Variants in PDS5B observed in about 807,000 individuals in gnomAD.
PDS5B encodes the protein sister chromatid cohesion protein PDS5 homolog B.
In PDS5B, 51 loss-of-function variants were observed where a neutral mutation model predicts 184.1. The ratio of observed to expected loss-of-function variants is 0.28; its 90% CI spans 0.22 to 0.35. The LOEUF (loss-of-function observed/expected upper bound fraction) is 0.35, where lower values mean the gene tolerates loss of function less well. Ranked by LOEUF, PDS5B falls within the 10% of genes least tolerant of loss-of-function variation. The pLI is 1.00. For synonymous variants in PDS5B, 566 were observed against 569.2 expected, an observed-to-expected ratio of 0.99 and a Z score of 0.08; for missense variants, 1,180 against 1,723.3, an observed-to-expected ratio of 0.68 and a Z score of 5.58.
At chr13:32,742,418 T>C (rs1953590454) in intron 22 of PDS5B, among the ~76,000 whole-genome samples, 173 bp from the exon 23 acceptor site, 1 of 152,208 alleles carries the variant, frequency 6.6e-6, no homozygotes, top group Non-Finnish European at 1.5e-5. Context: ...GCCATTTTCT[T>C]GGATGTTTGA....
chr13:32,617,632 C>T (rs773276117), intron 1 of PDS5B, among the ~76,000 whole-genome samples: 1 of 152,128 alleles, frequency 6.6e-6, no homozygotes, highest in Non-Finnish European at 1.5e-5. Flanking sequence ...ATTTCTGTTT[C>T]CCTTGCTGTT....
At chr13:32,627,304 A>C (rs889256280) in intron 1 of PDS5B, among the ~76,000 whole-genome samples, 3 of 152,194 alleles carry the variant, frequency 2.0e-5, no homozygotes, top group African/African-American at 2.4e-5. Flanking sequence ...AAGCAGATGG[A>C]TGCTATCTAC....
At chr13:32,766,631 T>C (rs2141028157) in intron 31 of PDS5B, among the ~76,000 whole-genome samples, 2 of 152,300 alleles carry the variant, frequency 1.3e-5, no homozygotes, top group Middle Eastern at 6.8e-3. Context: ...CTCATTGAAA[T>C]TTCACAGCAA....
intron 23 of PDS5B, among the ~76,000 whole-genome samples, chr13:32,744,957 G>T (rs564735909): frequency 6.6e-6 from 1 of 152,072 alleles, no homozygotes; most frequent in Non-Finnish European, 1.5e-5. Context: ...AGCTACAAAG[G>T]GGTTCTATTT....
At chr13:32,617,268 A>G (rs982875249) in intron 1 of PDS5B, among the ~76,000 whole-genome samples, 19 of 152,220 alleles carry the variant, frequency 1.2e-4, no homozygotes, top group African/African-American at 4.1e-4. Context: ...ACCAGTTAGC[A>G]CCTACTTACA....
rs188722607 is a variant in PDS5B at position 32,685,347 on chromosome 13, A to G, written c.1203+1324A>G. ...CAAAAGGCATGAAGAGGGAAAGGAT[A>G]TTTGCATTGTTCATAGGATAGTAGC... On this transcript the variant is annotated intron_variant, in intron 11 of 34. Coordinates refer to ENST00000315596, the MANE Select transcript of PDS5B (RefSeq NM_015032.4). Among the ~76,000 whole-genome samples the G allele has an allele frequency of 1.2e-4, 18 of 152,274 alleles. No homozygotes were observed. In the East Asian group the frequency reaches 3.3e-3, roughly 28 times the overall value.
chr13:32,743,944 C>T (rs940535619), intron 23 of PDS5B, among the ~76,000 whole-genome samples: 11 of 152,042 alleles, frequency 7.2e-5, no homozygotes, highest in African/African-American at 2.7e-4. Context: ...AAATTTTCCT[C>T]AGTGTTAATA....
intron 30 of PDS5B, among the ~76,000 whole-genome samples, chr13:32,761,786 T>C (rs941322593): frequency 9.2e-5 from 14 of 152,348 alleles, no homozygotes; most frequent in African/African-American, 3.4e-4. Context: ...TGTGACTTTT[T>C]GGTGTAATGA....
intron 1 of PDS5B, among the ~76,000 whole-genome samples, chr13:32,635,170 GTTTTTTTTTT>G (rs71071054): frequency 8.6e-5 from 7 of 81,108 alleles, no homozygotes; most frequent in East Asian, 3.7e-4. Flanking sequence ...AGCCAATTAC[GTTTTTTTTTT>G]TTTTTTTTTT....
intron 19 of PDS5B, among the ~76,000 whole-genome samples, chr13:32,716,574 G>A (rs1326479107): frequency 6.6e-6 from 1 of 150,844 alleles, no homozygotes; most frequent in Non-Finnish European, 1.5e-5. Context: ...GGAGGTGGGG[G>A]TCAGCCCCCG....
At chr13:32,687,726 A>G (rs929648698) in intron 12 of PDS5B, among the ~76,000 whole-genome samples, 8 of 152,154 alleles carry the variant, frequency 5.3e-5, no homozygotes, top group African/African-American at 1.9e-4. Context: ...TAATCTTAAT[A>G]TTTTTTCCAT....
At chr13:32,709,861 A>G in intron 18 of PDS5B, 85 bp from the exon 19 acceptor site, 1 of 767,642 alleles carries the variant, frequency 1.3e-6, no homozygotes, top group African/African-American at 1.8e-5. Context: ...ACTTTGATTT[A>G]TAGTATTTCT....
Position 32,658,437 on chromosome 13 carries a change from A to C in PDS5B, c.403A>C (p.Ile135Leu). The C allele has an allele frequency of 6.4e-7, 1 of 1,566,024 alleles. No homozygotes were observed. Among genetic ancestry groups the C allele is most frequent in the South Asian group, 1.2e-5 (1 of 86,468 alleles). ...FNRYFYLLEN[I>L]AWVKSYNICF... Reference sequence around the variant, plus strand: ...CTTTTTTACACCTTATTTTTAGAACATTGCTTGGGTCAAGTCATATAACAT... The same window carrying C: ...CTTTTTTACACCTTATTTTTAGAACCTTGCTTGGGTCAAGTCATATAACAT... The change falls in exon 5 of 35, where the codon ATT (isoleucine) becomes CTT (leucine). Residue 135 changes from isoleucine (I) to leucine (L), a missense_variant. Transcript: ENST00000315596.
At chr13:32,619,400 G>T (rs1397469587) in intron 1 of PDS5B, among the ~76,000 whole-genome samples, 5 of 152,084 alleles carry the variant, frequency 3.3e-5, no homozygotes, top group Non-Finnish European at 7.4e-5. Context: ...ATAGGCAATT[G>T]TAACACAATG....
intron 1 of PDS5B, among the ~76,000 whole-genome samples, chr13:32,594,261 C>G (rs2057822186): frequency 7.2e-6 from 1 of 139,644 alleles, no homozygotes; most frequent in South Asian, 2.2e-4. Context: ...GCAGTTATAA[C>G]TTTTTGCAGG....
intron 8 of PDS5B, among the ~76,000 whole-genome samples, chr13:32,675,219 C>T (rs181515373): frequency 6.6e-6 from 1 of 152,232 alleles, no homozygotes; most frequent in Admixed American, 6.5e-5. Context: ...TTCACTTATC[C>T]ATTGAGTCAT....
rs192753931 is a variant in PDS5B at position 32,662,483 on chromosome 13, C to G, written c.624+3203C>G. Among the ~76,000 whole-genome samples, 10 of 152,040 alleles carry G rather than the reference C, an allele frequency of 6.6e-5. No individual in the cohort carries two copies. In the East Asian group the frequency reaches 1.9e-3, roughly 29 times the overall value. ...AAGAAGCAAATTCACTATTTGTGTT[C>G]CATTTTAACATGTATTTTAGTGATT... is the stretch of plus-strand genomic sequence containing the variant. On this transcript the variant is annotated intron_variant, in intron 6 of 34. Transcript: ENST00000315596.
chr13:32,645,626 G>A (rs1411831072), intron 1 of PDS5B, among the ~76,000 whole-genome samples: 1 of 151,894 alleles, frequency 6.6e-6, no homozygotes, highest in Non-Finnish European at 1.5e-5. Context: ...TTGATCCTAC[G>A]CTTGTTTTCT....
intron 1 of PDS5B, among the ~76,000 whole-genome samples, chr13:32,611,285 C>T (rs555830555): frequency 6.6e-6 from 1 of 151,966 alleles, no homozygotes; most frequent in Non-Finnish European, 1.5e-5. Context: ...CAATTAGTCA[C>T]TAAATTTACT....
Sources: gnomAD v4.1 joint callset for allele counts (sites outside exome capture counted in the v4.1 genomes callset) on GRCh38, gnomAD v4.1.1 for gene constraint, MANE v1.5 for transcripts, NCBI Gene and HGNC (gene_info 2026-07-23, HGNC 2026-07-21) for gene names.